Variants in ZFYVE26 observed in about 807,000 individuals in gnomAD.
ZFYVE26 encodes zinc finger FYVE domain-containing protein 26.
A neutral mutation model predicts 276.5 loss-of-function variants in ZFYVE26; 181 were observed. That is an observed-to-expected ratio of 0.65 (90% confidence interval 0.58 to 0.74). The LOEUF (loss-of-function observed/expected upper bound fraction) is 0.74. Among genes scored for constraint, ZFYVE26 ranks in the 30% least tolerant of loss-of-function variants. The pLI, the probability that ZFYVE26 is intolerant of heterozygous loss-of-function variation, is 0.00. For synonymous variants in ZFYVE26, 1,129 were observed against 1,203.1 expected (o/e 0.94, Z 1.27); for missense variants, 2,821 against 3,097.9 (o/e 0.91, Z 2.12).
At chr14:67,778,325 C>A in intron 23 of ZFYVE26, 77 bp from the exon 24 acceptor site, 1 of 1,595,688 alleles carries the variant, frequency 6.3e-7, no homozygotes, top group Non-Finnish European at 8.6e-7. Context: ...GTCTACAAAG[C>A]CCCAGGAATG....
At chr14:67,762,434 T>A in intron 33 of ZFYVE26, 22 bp from the exon 34 acceptor site, 1 of 1,607,416 alleles carries the variant, frequency 6.2e-7, no homozygotes, top group East Asian at 2.2e-5. Context: ...ATTGCCCCTT[T>A]TAGTGAGTGG....
intron 32 of ZFYVE26, among the ~76,000 whole-genome samples, chr14:67,764,548 ATTTG>A (rs1273851422): frequency 6.6e-6 from 1 of 152,062 alleles, no homozygotes; most frequent in Non-Finnish European, 1.5e-5. Context: ...ATATTTATTT[ATTTG>A]TTTGTCTATC....
At chr14:67,779,676 T>G (rs1458546248) in intron 23 of ZFYVE26, among the ~76,000 whole-genome samples, 1 of 152,118 alleles carries the variant, frequency 6.6e-6, no homozygotes, top group Non-Finnish European at 1.5e-5. Flanking sequence ...TTGGTAATAT[T>G]CTAGCAAAGG....
chr14:67,782,877 A>G lies in ZFYVE26; in HGVS notation c.4275T>C (p.Asp1425=). 1 of 1,614,170 alleles carries G rather than the reference A, an allele frequency of 6.2e-7. No individual in the cohort carries two copies. Among genetic ancestry groups the G allele is most frequent in the Non-Finnish European group, 8.5e-7 (1 of 1,180,030 alleles). The change falls in exon 21 of 42, where the codon GAT becomes GAC. Residue 1425 remains aspartate (D), a synonymous_variant. Coordinates refer to ENST00000347230, the MANE Select transcript of ZFYVE26 (RefSeq NM_015346.4). ...EAFEESLVAR[D]WSRALQLTEV... ...CAGTGAGCTGAAGGGCCCGGGACCA[A>G]TCTCTGGCCACCAAGGATTCCTCAA...
chr14:67,771,714 A>G (rs2039214213), intron 28 of ZFYVE26, among the ~76,000 whole-genome samples: 1 of 152,156 alleles, frequency 6.6e-6, no homozygotes, highest in African/African-American at 2.4e-5. Flanking sequence ...AGTGCATATA[A>G]CCACTGCTGG....
At chr14:67,810,508 T>C (rs1404398075) in intron 3 of ZFYVE26, among the ~76,000 whole-genome samples, 1 of 152,230 alleles carries the variant, frequency 6.6e-6, no homozygotes, top group Non-Finnish European at 1.5e-5. Flanking sequence ...TTTTTACAAA[T>C]AATCTTTACT....
chr14:67,768,208 C>T (rs910443655), intron 30 of ZFYVE26, among the ~76,000 whole-genome samples: 5 of 152,226 alleles, frequency 3.3e-5, no homozygotes, highest in African/African-American at 1.2e-4. Context: ...AAGGAGGGAG[C>T]ATGGGGAGGT....
rs1024828734 is a variant in ZFYVE26, at chr14:67,752,546, G to A, written c.7189-20C>T. ...GAAGTCCTAGAACAGAACACAACAT[G>A]ATGGGCTTAGGAGCAGGAAACGTTA... On this transcript the variant is annotated intron_variant, in intron 39 of 41. Coordinates refer to ENST00000347230, the MANE Select transcript of ZFYVE26 (RefSeq NM_015346.4). 16 of 1,613,784 alleles carry A rather than the reference G, an allele frequency of 9.9e-6. No individual in the cohort carries two copies. Among genetic ancestry groups the A allele is most frequent in the African/African-American group, 1.3e-5 (1 of 74,914 alleles).
At chr14:67,738,439 T>C (rs2038377009) in intron 13 of ZFYVE26, among the ~76,000 whole-genome samples, 1 of 149,218 alleles carries the variant, frequency 6.7e-6, no homozygotes, top group Non-Finnish European at 1.5e-5. Context: ...TATACTAATC[T>C]CTGTATGATT....
In ZFYVE26 at chr14:67,802,871, C is replaced by T. The variant is rs369909654; in HGVS notation, c.1436-589G>A. Among the ~76,000 whole-genome samples, 15 of 152,218 alleles carry T rather than the reference C, an allele frequency of 9.9e-5. No individual in the cohort carries two copies. In the South Asian group the frequency reaches 3.1e-3, roughly 32 times the overall value. ...GTAAAGCAACATCCAGGCTGGGAAACCTCAAATGCCATGTAAGAAAGTTTG... is the reference window on the plus strand; with the variant it reads ...GTAAAGCAACATCCAGGCTGGGAAATCTCAAATGCCATGTAAGAAAGTTTG... On this transcript the variant is annotated intron_variant, in intron 9 of 41. Coordinates refer to ENST00000347230, the MANE Select transcript of ZFYVE26 (RefSeq NM_015346.4).
At chr14:67,777,308 T>A (rs1307255443) in intron 25 of ZFYVE26, among the ~76,000 whole-genome samples, 1 of 152,184 alleles carries the variant, frequency 6.6e-6, no homozygotes, top group Non-Finnish European at 1.5e-5. Flanking sequence ...GAATTCCCTA[T>A]GGAGGCAGGA....
Position 67,782,823 on chromosome 14 carries a change from C to A in ZFYVE26, c.4329G>T (p.Leu1443Phe). ...TEVYGRDVDD[L>F]SSIKDAVLSC... is the part of the protein sequence containing the mutation. ...TCAGGACTGCATCCTTTATGCTGCT[C>A]AAATCGTCCACATCTCGCCCGTACA... Residue 1443 changes from leucine (L) to phenylalanine (F), a missense_variant, in exon 21 of 42, where the codon TTG (leucine) becomes TTT (phenylalanine). Transcript: ENST00000347230. The A allele has an allele frequency of 6.2e-7, 1 of 1,614,236 alleles. No homozygotes were observed. Among genetic ancestry groups the A allele is most frequent in the South Asian group, 1.1e-5 (1 of 91,080 alleles).
chr14:67,780,210 T>C, intron 23 of ZFYVE26, 31 bp downstream of exon 23: 1 of 1,592,120 alleles, frequency 6.3e-7, no homozygotes, highest in Non-Finnish European at 8.6e-7. Flanking sequence ...GAAAGGAGGA[T>C]GAAGGGGAAC....
chr14:67,790,999 A>C (rs2140234633), intron 14 of ZFYVE26, among the ~76,000 whole-genome samples: 1 of 152,384 alleles, frequency 6.6e-6, no homozygotes, highest in Non-Finnish European at 1.5e-5. Flanking sequence ...AAAGATGTGG[A>C]CAATTTCAGA....
intron 13 of ZFYVE26, among the ~76,000 whole-genome samples, chr14:67,739,588 C>T (rs2038392026): frequency 6.6e-6 from 1 of 151,858 alleles, no homozygotes; most frequent in South Asian, 2.1e-4. Flanking sequence ...CTTTTATCAC[C>T]CTCAATTTCC....
chr14:67,752,596 A>C, intron 39 of ZFYVE26, 70 bp from the exon 40 acceptor site: 1 of 1,521,838 alleles, frequency 6.6e-7, no homozygotes, highest in Non-Finnish European at 9.1e-7. Flanking sequence ...GGCAGCATTT[A>C]AAAGCTCTCA....
intron 21 of ZFYVE26, among the ~76,000 whole-genome samples, chr14:67,782,397 G>A (rs72723183): frequency 0.017 from 2,521 of 152,286 alleles, 31 homozygotes; most frequent in Non-Finnish European, 0.022. Context: ...CGAGACTGTG[G>A]CTTACAAAGT....
At chr14:67,750,355 T>TAAA in intron 41 of ZFYVE26, 1 of 154,706 alleles carries the variant, frequency 6.5e-6, no homozygotes, top group South Asian at 2.0e-4. Flanking sequence ...ACGTCAGTTT[T>TAAA]CATCACAGGG....
At chr14:67,806,016 ACT>A (rs1018459334) in intron 6 of ZFYVE26, among the ~76,000 whole-genome samples, 11 of 152,318 alleles carry the variant, frequency 7.2e-5, no homozygotes, top group African/African-American at 2.2e-4. Context: ...GACGAGGGAA[ACT>A]CTGTCTCAAA....
Sources: allele counts gnomAD v4.1 joint callset (sites outside exome capture counted in the v4.1 genomes callset), GRCh38; gene constraint gnomAD v4.1.1; transcripts MANE v1.5; gene names NCBI Gene and HGNC (gene_info 2026-07-23, HGNC 2026-07-21).